NRXN3: variants seen among roughly 807,000 people sequenced by gnomAD.
The protein encoded by NRXN3 is neurexin 3.
A neutral mutation model predicts 137.6 loss-of-function variants in NRXN3; 32 were observed. The observed-to-expected ratio is 0.23, with a 90% CI of 0.18 to 0.31. The LOEUF (loss-of-function observed/expected upper bound fraction) is 0.31, where lower values mean the gene tolerates loss of function less well. Ranked by LOEUF, NRXN3 falls within the 10% of genes least tolerant of loss-of-function variation. The pLI, the probability that NRXN3 is intolerant of heterozygous loss-of-function variation, is 1.00. For synonymous variants in NRXN3, 798 were observed against 784.5 expected (o/e 1.02, Z -0.29); for missense variants, 1,574 against 2,062.5 (o/e 0.76, Z 4.59).
intron 10 of NRXN3, among the ~76,000 whole-genome samples, chr14:78,862,239 A>G (rs1250223065): frequency 9.9e-5 from 14 of 141,220 alleles, no homozygotes; most frequent in Non-Finnish European, 1.9e-4. Context: ...ATTGTTATAA[A>G]TAGCAAAGAT....
intron 10 of NRXN3, among the ~76,000 whole-genome samples, chr14:78,862,010 C>G (rs1260125622): frequency 3.9e-5 from 6 of 152,064 alleles, no homozygotes; most frequent in African/African-American, 1.4e-4. Flanking sequence ...TCCCTGTTTC[C>G]ATGTGAACTA....
At chr14:79,002,695 T>G (rs2099544102) in intron 15 of NRXN3, among the ~76,000 whole-genome samples, 1 of 152,176 alleles carries the variant, frequency 6.6e-6, no homozygotes, top group African/African-American at 2.4e-5. Context: ...GCATGTATCT[T>G]TGTAATAGAA....
rs149756160 is a variant in NRXN3, at chr14:79,134,531, T to C, written c.3262+146390T>C. On this transcript the variant is annotated intron_variant, in intron 15 of 20. Transcript: ENST00000335750. ...TGGCACTCTTTTTAGAGCTAGACCA[T>C]TGGGGAAGTTGCAGTGTTACATAAT... Among the ~76,000 whole-genome samples, 23 of 152,266 alleles carry C rather than the reference T, an allele frequency of 1.5e-4. No individual in the cohort carries two copies. In the East Asian group the frequency reaches 4.1e-3, roughly 27 times the overall value.
At position 79,233,498 on chromosome 14, in the gene NRXN3, A is replaced by G. The variant is rs571640892; in HGVS notation, c.3263-233723A>G. Among the ~76,000 whole-genome samples the G allele has an allele frequency of 1.2e-4, 19 of 152,238 alleles. No homozygotes were observed. The South Asian group carries it at 3.1e-3, about 25-fold the overall frequency. On this transcript the variant is annotated intron_variant, in intron 15 of 20. Coordinates refer to ENST00000335750, the MANE Select transcript of NRXN3 (RefSeq NM_001330195.2). ...ATATCATGCGGGCTTTGACACAGAT[A>G]AACCTACTGTAATCCGTGATTTGGT...
chr14:79,835,343 C>A (rs1401348707), intron 20 of NRXN3, among the ~76,000 whole-genome samples: 1 of 152,120 alleles, frequency 6.6e-6, no homozygotes, highest in Non-Finnish European at 1.5e-5. Flanking sequence ...CTCTTCAGAT[C>A]CTGTCCTATG....
At chr14:79,654,727 T>TATTA (rs1446809545) in intron 16 of NRXN3, among the ~76,000 whole-genome samples, 1 of 152,288 alleles carries the variant, frequency 6.6e-6, no homozygotes, top group South Asian at 2.1e-4. Context: ...GAAATGTGTA[T>TATTA]ATTAATTTTT....
At chr14:79,609,135 TCA>T (rs2098065382) in intron 16 of NRXN3, among the ~76,000 whole-genome samples, 1 of 152,018 alleles carries the variant, frequency 6.6e-6, no homozygotes, top group Non-Finnish European at 1.5e-5. Context: ...TCACTGTGAC[TCA>T]TTATGGTGAG....
At chr14:79,302,036 A>G (rs761096296) in intron 15 of NRXN3, among the ~76,000 whole-genome samples, 13 of 152,006 alleles carry the variant, frequency 8.6e-5, no homozygotes, top group African/African-American at 4.8e-5. Flanking sequence ...TCTTCTGACA[A>G]TCAAACTTTT....
chr14:79,562,261 G>A (rs534449870), intron 16 of NRXN3, among the ~76,000 whole-genome samples: 6 of 152,202 alleles, frequency 3.9e-5, no homozygotes, highest in African/African-American at 1.4e-4. Flanking sequence ...CAGATCCAAT[G>A]CTATAATGCT....
At position 78,912,131 on chromosome 14, in the gene NRXN3, T is replaced by C. The variant is rs182215883; in HGVS notation, c.2276-45111T>C. ...TTCCCCTTCCTGTGTCCATGTGTTC[T>C]CATTGTTCAATTCCCACCTATGAGT... On this transcript the variant is annotated intron_variant, in intron 10 of 20. Coordinates refer to ENST00000335750, the MANE Select transcript of NRXN3 (RefSeq NM_001330195.2). Among the ~76,000 whole-genome samples the C allele has an allele frequency of 3.3e-3, 493 of 151,654 alleles. 2 individuals are homozygous for C. Among genetic ancestry groups the C allele is most frequent in the African/African-American group, 0.011 (468 of 41,414 alleles).
intron 15 of NRXN3, among the ~76,000 whole-genome samples, chr14:79,339,864 T>C (rs2092497032): frequency 6.6e-6 from 1 of 152,204 alleles, no homozygotes; most frequent in African/African-American, 2.4e-5. Context: ...GTTGTGAAGA[T>C]TAAATGTGAT....
intron 10 of NRXN3, among the ~76,000 whole-genome samples, chr14:78,864,535 G>C (rs1334066181): frequency 6.6e-6 from 1 of 151,960 alleles, no homozygotes; most frequent in African/African-American, 2.4e-5. Context: ...AAGATACTCT[G>C]GTCATTATGA....
chr14:78,453,896 G>C (rs1194766095), intron 4 of NRXN3, among the ~76,000 whole-genome samples: 1 of 152,170 alleles, frequency 6.6e-6, no homozygotes, highest in Non-Finnish European at 1.5e-5. Flanking sequence ...CTCTCCCTTA[G>C]AGTCCTCGGA....
intron 4 of NRXN3, among the ~76,000 whole-genome samples, chr14:78,341,630 C>A (rs534304662): frequency 6.6e-6 from 1 of 152,258 alleles, no homozygotes; most frequent in Non-Finnish European, 1.5e-5. Context: ...TCATGTGCTC[C>A]CTTCTGTAAA....
At chr14:78,625,629 C>CTTAT (rs1340876173) in intron 4 of NRXN3, among the ~76,000 whole-genome samples, 4 of 152,174 alleles carry the variant, frequency 2.6e-5, no homozygotes, top group African/African-American at 9.7e-5. Context: ...AGGGAACCTT[C>CTTAT]TTATCTTCAG....
At chr14:78,520,177 C>T (rs1179119363) in intron 4 of NRXN3, among the ~76,000 whole-genome samples, 1 of 152,176 alleles carries the variant, frequency 6.6e-6, no homozygotes, top group Non-Finnish European at 1.5e-5. Context: ...CTGGCCCTGC[C>T]AGGACCTTGC....
chr14:79,067,578 G>A (rs1308561125), intron 15 of NRXN3, among the ~76,000 whole-genome samples: 2 of 152,064 alleles, frequency 1.3e-5, no homozygotes, highest in Non-Finnish European at 2.9e-5. Flanking sequence ...GAATTCAGCT[G>A]TGAATCTATC....
chr14:79,043,655 G>C (rs893018684), intron 15 of NRXN3, among the ~76,000 whole-genome samples: 1 of 152,136 alleles, frequency 6.6e-6, no homozygotes, highest in South Asian at 2.1e-4. Flanking sequence ...ACAGGTCTTG[G>C]GTAGGCTGCC....
intron 8 of NRXN3, among the ~76,000 whole-genome samples, chr14:78,733,481 G>A (rs1173934293): frequency 6.6e-6 from 1 of 152,154 alleles, no homozygotes; most frequent in African/African-American, 2.4e-5. Context: ...GACCATCCAA[G>A]CAAAGTGTAC....
Sources: allele counts gnomAD v4.1 joint callset (sites outside exome capture counted in the v4.1 genomes callset), GRCh38; gene constraint gnomAD v4.1.1; transcripts MANE v1.5; gene names NCBI Gene and HGNC (gene_info 2026-07-23, HGNC 2026-07-21).